POF1B: variants seen among roughly 807,000 people sequenced by gnomAD.
POF1B encodes protein POF1B.
Under a neutral mutation model 55.3 loss-of-function variants are expected in POF1B, and 53 were observed. That is an observed-to-expected ratio of 0.96 (90% CI 0.77 to 1.20). POF1B has a LOEUF of 1.20. Among genes scored for constraint, POF1B ranks in the 50% most tolerant of loss-of-function variants. POF1B has a pLI of 0.00. For synonymous variants in POF1B, 188 were observed against 148.3 expected, an observed-to-expected ratio of 1.27 and a Z score of -1.95; for missense variants, 478 against 420.5, an observed-to-expected ratio of 1.14 and a Z score of -1.20.
intron 6 of POF1B, among the ~76,000 whole-genome samples, chrX:85,335,038 A>G (rs1474684675): frequency 9.0e-6 from 1 of 111,318 alleles, no homozygotes; most frequent in African/African-American, 3.3e-5. Flanking sequence ...TCAAGGAACA[A>G]ATGACAATCC....
intron 10 of POF1B, 85 bp downstream of exon 10, chrX:85,308,039 T>A: frequency 3.7e-6 from 2 of 541,590 alleles, no homozygotes; most frequent in South Asian, 8.2e-5. Context: ...TATTAAATTT[T>A]AAAAACATAT....
chrX:85,332,635 A>G (rs1331501619), intron 6 of POF1B, among the ~76,000 whole-genome samples: 3 of 111,492 alleles, frequency 2.7e-5, no homozygotes, highest in South Asian at 7.4e-4. Context: ...ACCTTAAAAA[A>G]CTGTACATTC....
chrX:85,351,352 G>C lies in POF1B; in HGVS notation c.538C>G (p.Gln180Glu), dbSNP rs1933383045. Reference sequence around the variant, plus strand: ...TTTTAAAACAAAATATTACTTACCTGATCAGTATTTAGCTTCTCCACTTTT... The same window carrying C: ...TTTTAAAACAAAATATTACTTACCTCATCAGTATTTAGCTTCTCCACTTTT... ...IRKVEKLNTD[Q>E]GCHPQAQCHH... The change falls in exon 5 of 17, where the codon CAG (glutamine) becomes GAG (glutamate). Residue 180 changes from glutamine to glutamate, a missense_variant and splice_region_variant. Physicochemically the swap from Gln to Glu is conservative, Grantham distance 29. Transcript: ENST00000262753. 1.7e-6 allele frequency: 2 copies of C among 1,146,664 alleles called. No homozygotes were observed. Among genetic ancestry groups the C allele is most frequent in the Non-Finnish European group, 1.2e-6 (1 of 846,110 alleles). 94.5% of individuals were successfully genotyped at this position (1,146,664 alleles called of 1,213,427 possible).
rs1266835997 is a variant in POF1B at position 85,372,805 on chromosome X, C to A, written c.283-5039G>T. 7.9e-5 allele frequency among the ~76,000 whole-genome samples: 8 copies of A among 100,786 alleles called. No individual in the cohort carries two copies. The East Asian group carries it at 2.5e-3, about 31-fold the overall frequency. The allele number at this position is 100,786 out of a possible 115,157, so 87.5% of individuals were successfully genotyped here. ...TATATATACTTTAAGTTCTGGGGTA[C>A]ATGTGCAGAAAGGGCAGTTTTATAT... On this transcript the variant is annotated intron_variant, in intron 2 of 16. Coordinates refer to ENST00000262753, the MANE Select transcript of POF1B (RefSeq NM_024921.4).
chrX:85,335,330 A>T (rs1933051282), intron 6 of POF1B, among the ~76,000 whole-genome samples: 1 of 111,684 alleles, frequency 9.0e-6, no homozygotes, highest in South Asian at 3.7e-4. Context: ...CGTATAGATT[A>T]TACATATATG....
intron 6 of POF1B, among the ~76,000 whole-genome samples, chrX:85,344,248 A>G (rs1473951054): frequency 9.0e-6 from 1 of 111,105 alleles, no homozygotes; most frequent in Non-Finnish European, 1.9e-5. Flanking sequence ...TCTGAAACCC[A>G]GAATTTACTT....
At chrX:85,283,106 A>G (rs989505244) in intron 15 of POF1B, among the ~76,000 whole-genome samples, 1 of 111,733 alleles carries the variant, frequency 8.9e-6, no homozygotes, top group Non-Finnish European at 1.9e-5. Context: ...GTTTCCAAAT[A>G]ATTTCATCTC....
chrX:85,301,974 A>T (rs1932468814), intron 15 of POF1B, among the ~76,000 whole-genome samples: 1 of 111,813 alleles, frequency 8.9e-6, no homozygotes, highest in Non-Finnish European at 1.9e-5. Context: ...TACAATTAGT[A>T]ACCAGAAGAC....
intron 6 of POF1B, among the ~76,000 whole-genome samples, chrX:85,343,231 ATAAAAT>A (rs1933209449): frequency 9.0e-6 from 1 of 110,823 alleles, no homozygotes; most frequent in Non-Finnish European, 1.9e-5. Context: ...GCGGAATTTA[ATAAAAT>A]TAAAGAAAAA....
chrX:85,280,165 G>A (rs754182054), intron 16 of POF1B, among the ~76,000 whole-genome samples: 195 of 111,327 alleles, frequency 1.8e-3, no homozygotes, highest in African/African-American at 6.1e-3. Flanking sequence ...AAGGGCTTCA[G>A]CTCTAAAGAA....
intron 2 of POF1B, among the ~76,000 whole-genome samples, chrX:85,368,825 G>A (rs182952179): frequency 1.8e-5 from 2 of 111,532 alleles, no homozygotes; most frequent in Non-Finnish European, 3.8e-5. Context: ...AAATGATGGC[G>A]TTACTCAATC....
chrX:85,308,045 C>G (rs1284070361), intron 10 of POF1B, 79 bp downstream of exon 10: 2 of 567,867 alleles, frequency 3.5e-6, no homozygotes, highest in Non-Finnish European at 5.5e-6. Context: ...ATTTTAAAAA[C>G]ATATACTGGA....
At chrX:85,297,859 A>T (rs1932340985) in intron 15 of POF1B, among the ~76,000 whole-genome samples, 2 of 112,072 alleles carry the variant, frequency 1.8e-5, no homozygotes, top group South Asian at 7.5e-4. Flanking sequence ...CCCTGGAGAC[A>T]GAGGTGTGCC....
intron 3 of POF1B, among the ~76,000 whole-genome samples, chrX:85,363,768 G>GGTCAA (rs746018178): frequency 9.0e-6 from 1 of 111,073 alleles, no homozygotes; most frequent in African/African-American, 3.3e-5. Flanking sequence ...TGATATATTT[G>GGTCAA]GTCAAATCTT....
chrX:85,352,396 C>A (rs1021302568), intron 4 of POF1B, among the ~76,000 whole-genome samples: 19 of 111,331 alleles, frequency 1.7e-4, no homozygotes, highest in African/African-American at 5.2e-4. Context: ...TCACAATCAA[C>A]AAAATGTACT....
At chrX:85,301,860 C>T (rs1365484460) in intron 15 of POF1B, among the ~76,000 whole-genome samples, 3 of 111,409 alleles carry the variant, frequency 2.7e-5, no homozygotes, top group Admixed American at 1.9e-4. Context: ...CAGAGATTGG[C>T]AGAATGTATA....
intron 7 of POF1B, among the ~76,000 whole-genome samples, chrX:85,325,006 C>G (rs147305787): frequency 0.01 from 1,163 of 111,750 alleles, 21 homozygotes; most frequent in Admixed American, 0.071. Flanking sequence ...TTTAAGAGTG[C>G]TGAATACAGG....
intron 4 of POF1B, among the ~76,000 whole-genome samples, chrX:85,355,885 G>A (rs1340436382): frequency 9.0e-6 from 1 of 111,692 alleles, no homozygotes; most frequent in Non-Finnish European, 1.9e-5. Context: ...TTCAACCATT[G>A]TGGAAGACAG....
chrX:85,300,655 A>G (rs1049386063), intron 15 of POF1B, among the ~76,000 whole-genome samples: 1 of 111,918 alleles, frequency 8.9e-6, no homozygotes, highest in Non-Finnish European at 1.9e-5. Flanking sequence ...ATTATAAGAC[A>G]TGCAAAGAAA....
Sources: allele counts gnomAD v4.1 joint callset (sites outside exome capture counted in the v4.1 genomes callset), GRCh38; gene constraint gnomAD v4.1.1; transcripts MANE v1.5; gene names NCBI Gene and HGNC (gene_info 2026-07-23, HGNC 2026-07-21).